Variants in ADGRV1 observed in about 807,000 individuals in gnomAD.
The protein encoded by ADGRV1 is G-protein coupled receptor 98.
In ADGRV1, 359 loss-of-function variants were observed where a neutral mutation model predicts 596.2. That is an observed-to-expected ratio of 0.60 (90% CI 0.55 to 0.66). The LOEUF is 0.66. Ranked by LOEUF, ADGRV1 falls within the 30% of genes least tolerant of loss-of-function variation. The pLI is 0.00. For synonymous variants in ADGRV1, 2,681 were observed against 2,679.2 expected (o/e 1.00, Z -0.02); for missense variants, 7,274 against 7,575.6 (o/e 0.96, Z 1.48).
At chr5:90,676,504 T>C (rs1246833534) in intron 25 of ADGRV1, among the ~76,000 whole-genome samples, 1 of 152,162 alleles carries the variant, frequency 6.6e-6, no homozygotes, top group Non-Finnish European at 1.5e-5. Context: ...GTTTTAGAAA[T>C]TAATATTCAA....
intron 59 of ADGRV1, among the ~76,000 whole-genome samples, chr5:90,764,177 A>G (rs1041239839): frequency 3.9e-5 from 6 of 152,210 alleles, no homozygotes; most frequent in Non-Finnish European, 8.8e-5. Flanking sequence ...GACTCAATTC[A>G]TAAAGACTTT....
At chr5:91,157,425 T>C (rs4916704) in intron 89 of ADGRV1, among the ~76,000 whole-genome samples, 118,192 of 152,164 alleles carry the variant, frequency 0.78, 49,052 homozygotes, top group Non-Finnish European at 0.92. Flanking sequence ...CAATACCTAG[T>C]TATTCATTTT....
chr5:90,797,287 C>CAAAAAAAAAAAAAA (rs780696194), intron 70 of ADGRV1, among the ~76,000 whole-genome samples: 15 of 26,352 alleles, frequency 5.7e-4, no homozygotes, highest in African/African-American at 1.5e-3. Context: ...AAATGAAAAG[C>CAAAAAAAAAAAAAA]AAAAAAAAAA....
At chr5:91,024,999 C>T (rs1167882952) in intron 85 of ADGRV1, among the ~76,000 whole-genome samples, 1 of 152,142 alleles carries the variant, frequency 6.6e-6, no homozygotes, top group African/African-American at 2.4e-5. Context: ...TTATAAACGG[C>T]AGCTTTTTGA....
chr5:91,051,413 C>T (rs760694216), intron 85 of ADGRV1, among the ~76,000 whole-genome samples: 5 of 151,988 alleles, frequency 3.3e-5, no homozygotes, highest in Middle Eastern at 3.4e-3. Flanking sequence ...TTATTAAATA[C>T]GCTTGTGTTA....
At chr5:90,740,389 G>A (rs1310672047) in intron 50 of ADGRV1, among the ~76,000 whole-genome samples, 1 of 152,206 alleles carries the variant, frequency 6.6e-6, no homozygotes, top group East Asian at 1.9e-4. Context: ...AGCTTGGTTG[G>A]GTTGCAGCTC....
chr5:90,675,566 T>C (rs1773120753), intron 24 of ADGRV1, 121 bp downstream of exon 24: 5 of 989,988 alleles, frequency 5.1e-6, no homozygotes, highest in Non-Finnish European at 7.6e-6. Flanking sequence ...CCTAGCACTT[T>C]GGGAGGCAAA....
At chr5:90,959,574 C>T (rs78729460) in intron 83 of ADGRV1, among the ~76,000 whole-genome samples, 3,819 of 152,006 alleles carry the variant, frequency 0.025, 146 homozygotes, top group African/African-American at 0.087. Context: ...GCTACAGTAA[C>T]CTAGATGATG....
In ADGRV1 at chr5:90,672,649, G is replaced by A. The variant is rs762316414; in HGVS notation, c.4856G>A (p.Gly1619Asp). Reference sequence around the variant, plus strand: ...ACCATTTCACAGATTGAAACTGATGGCATTAATTACCTTGTTGATGACTTT... The same window carrying A: ...ACCATTTCACAGATTGAAACTGATGACATTAATTACCTTGTTGATGACTTT... ...FYTISQIETD[G>D]INYLVDDFAN... Residue 1619 changes from glycine to aspartate, a missense_variant, in exon 22 of 90, where the codon GGC becomes GAC. Transcript: ENST00000405460. The A allele has an allele frequency of 5.0e-6, 8 of 1,613,484 alleles. No homozygotes were observed. The highest frequency in any genetic ancestry group is 2.2e-5 in the South Asian group (2 of 91,060).
At chr5:90,849,880 A>C (rs1337280285) in intron 79 of ADGRV1, among the ~76,000 whole-genome samples, 1 of 152,238 alleles carries the variant, frequency 6.6e-6, no homozygotes, top group East Asian at 1.9e-4. Context: ...AAAACAGTAT[A>C]ATGAAATTTC....
chr5:90,714,964 C>T (rs1351364587), intron 42 of ADGRV1, among the ~76,000 whole-genome samples: 1 of 152,132 alleles, frequency 6.6e-6, no homozygotes, highest in Non-Finnish European at 1.5e-5. Flanking sequence ...TAGATTCAAA[C>T]TGAGATCTAT....
At chr5:90,705,937 C>T (rs933941024) in intron 37 of ADGRV1, among the ~76,000 whole-genome samples, 1 of 152,032 alleles carries the variant, frequency 6.6e-6, no homozygotes, top group Non-Finnish European at 1.5e-5. Context: ...TGTGTAAGGC[C>T]CCCTGAGGTC....
chr5:90,599,311 A>G (rs184428796), intron 1 of ADGRV1, among the ~76,000 whole-genome samples: 5 of 152,326 alleles, frequency 3.3e-5, no homozygotes, highest in African/African-American at 4.8e-5. Context: ...TACAGCTCTC[A>G]CCCATCTAAA....
intron 85 of ADGRV1, among the ~76,000 whole-genome samples, chr5:91,035,896 CTAGCACCTGG>C (rs1784875305): frequency 2.0e-5 from 1 of 50,608 alleles, no homozygotes; most frequent in East Asian, 5.2e-4. Context: ...ACAACAATGC[CTAGCACCTGG>C]TAGGCACTAT....
intron 21 of ADGRV1, among the ~76,000 whole-genome samples, chr5:90,669,928 T>C (rs1013588756): frequency 1.3e-5 from 2 of 152,188 alleles, no homozygotes; most frequent in Admixed American, 6.5e-5. Context: ...TAAATGTACT[T>C]GGTCCTCTTC....
At chr5:90,622,344 G>C (rs993417360) in intron 4 of ADGRV1, among the ~76,000 whole-genome samples, 2 of 152,200 alleles carry the variant, frequency 1.3e-5, no homozygotes, top group African/African-American at 4.8e-5. Context: ...AGAACAGCTA[G>C]TTGATGGTAG....
intron 5 of ADGRV1, 27 bp from the exon 6 acceptor site, chr5:90,625,103 T>G (rs1381716010): frequency 7.3e-7 from 1 of 1,376,210 alleles, no homozygotes; most frequent in Admixed American, 1.8e-5. Flanking sequence ...TTTGCATTTA[T>G]TGATGGCATT....
intron 48 of ADGRV1, among the ~76,000 whole-genome samples, chr5:90,726,962 C>T (rs1561607871): frequency 6.6e-6 from 1 of 152,098 alleles, no homozygotes; most frequent in African/African-American, 2.4e-5. Context: ...TAACATATCC[C>T]AAACTGAACC....
chr5:90,631,152 G>T (rs748590034), intron 9 of ADGRV1, among the ~76,000 whole-genome samples: 1 of 152,136 alleles, frequency 6.6e-6, no homozygotes, highest in East Asian at 1.9e-4. Flanking sequence ...GAAAGGTATT[G>T]TTGTTAAGCT....
Sources: gnomAD v4.1 joint callset for allele counts (sites outside exome capture counted in the v4.1 genomes callset) on GRCh38, gnomAD v4.1.1 for gene constraint, MANE v1.5 for transcripts, NCBI Gene and HGNC (gene_info 2026-07-23, HGNC 2026-07-21) for gene names.